FBXO7: variants seen among roughly 807,000 people sequenced by gnomAD.
FBXO7 encodes the protein F-box only protein 7.
A neutral mutation model predicts 50.2 loss-of-function variants in FBXO7; 31 were observed. That is an observed-to-expected ratio of 0.62 (90% CI 0.46 to 0.83). The LOEUF is 0.83. FBXO7 is among the 40% of genes least tolerant of loss of function. The probability of loss-of-function intolerance (pLI) is 0.00; values close to 1 mark genes in which losing one functional copy is unlikely to be tolerated. For missense variants in FBXO7, 667 were observed against 646.6 expected (o/e 1.03, Z -0.34); for synonymous variants, 256 against 253.1 (o/e 1.01, Z -0.11).
At chr22:32,493,062 C>G (rs150545277) in intron 6 of FBXO7, 43 bp from the exon 7 acceptor site, 1 of 1,590,620 alleles carries the variant, frequency 6.3e-7, no homozygotes, top group South Asian at 1.1e-5. Flanking sequence ...GCCAGATGTT[C>G]TTTACTCAGT....
At chr22:32,492,905 G>A in intron 6 of FBXO7, 200 bp from the exon 7 acceptor site, 1 of 629,740 alleles carries the variant, frequency 1.6e-6, no homozygotes, top group Non-Finnish European at 2.8e-6. Context: ...AGGGCCTAGA[G>A]TTATATGAGT....
At chr22:32,487,865 C>CT in intron 5 of FBXO7, 37 bp downstream of exon 5, 1 of 1,283,442 alleles carries the variant, frequency 7.8e-7, no homozygotes, top group South Asian at 1.2e-5. Context: ...GGGTGAAACT[C>CT]TGTGAAATTC....
chr22:32,475,117 G>T lies in FBXO7; in HGVS notation c.115G>T (p.Gly39Trp). The change falls in exon 1 of 9, where the codon GGG becomes TGG. Residue 39 changes from glycine (G) to tryptophan (W), a missense_variant. Coordinates refer to ENST00000266087, the MANE Select transcript of FBXO7 (RefSeq NM_012179.4). ...GAGGCAGTCCCTGCTGTGCACCTGG[G>T]GGTACAGGTACGCTGGGGCCGGGGC... ...HLRQSLLCTW[G>W]YSSNTRFTIT... 2.6e-6 allele frequency: 4 copies of T among 1,544,532 alleles called. No homozygotes were observed. Among genetic ancestry groups the T allele is most frequent in the Non-Finnish European group, 3.5e-6 (4 of 1,145,388 alleles).
At chr22:32,481,389 T>C (rs1254898048) in intron 2 of FBXO7, among the ~76,000 whole-genome samples, 1 of 152,210 alleles carries the variant, frequency 6.6e-6, no homozygotes, top group African/African-American at 2.4e-5. Context: ...CTGTGTACTT[T>C]TAAAGTTGTC....
intron 8 of FBXO7, among the ~76,000 whole-genome samples, chr22:32,497,321 C>T (rs1275559166): frequency 6.6e-6 from 1 of 152,168 alleles, no homozygotes; most frequent in East Asian, 1.9e-4. Context: ...CAGCCTTTCC[C>T]CCTAAGTCCC....
chr22:32,491,020 G>C, intron 5 of FBXO7, 66 bp from the exon 6 acceptor site: 2 of 1,095,168 alleles, frequency 1.8e-6, no homozygotes, highest in South Asian at 2.5e-5. Context: ...ATTGGGTTTG[G>C]CAGAAATAGA....
At chr22:32,480,668 T>A (rs966027456) in intron 2 of FBXO7, among the ~76,000 whole-genome samples, 1 of 151,270 alleles carries the variant, frequency 6.6e-6, no homozygotes, top group African/African-American at 2.4e-5. Context: ...TCCTCATTTT[T>A]CCCACCTTTT....
intron 5 of FBXO7, chr22:32,489,644 G>A (rs897805327): frequency 6.6e-6 from 1 of 152,222 alleles, no homozygotes; most frequent in Non-Finnish European, 1.5e-5. Context: ...ATGTAGCTCA[G>A]ATTGTTATTC....
intron 1 of FBXO7, 74 bp from the exon 2 acceptor site, chr22:32,478,907 G>A (rs2057445284): frequency 1.5e-6 from 2 of 1,320,016 alleles, no homozygotes; most frequent in South Asian, 1.2e-5. Flanking sequence ...GTGTACTTAT[G>A]TATGCTTCAG....
At chr22:32,495,387 C>G in intron 7 of FBXO7, 106 bp from the exon 8 acceptor site, 4 of 560,104 alleles carry the variant, frequency 7.1e-6, no homozygotes, top group African/African-American at 2.0e-5. Context: ...TTTTTTTATG[C>G]TTAACGGGTA....
chr22:32,486,349 T>C (rs578043574), intron 4 of FBXO7, among the ~76,000 whole-genome samples: 60 of 152,296 alleles, frequency 3.9e-4, no homozygotes, highest in African/African-American at 1.4e-3. Flanking sequence ...TTTTCTTTTT[T>C]TTGAGACAGG....
chr22:32,483,876 T>C (rs2057480347), intron 2 of FBXO7, 21 bp from the exon 3 acceptor site: 2 of 1,602,490 alleles, frequency 1.2e-6, no homozygotes, highest in Admixed American at 1.7e-5. Flanking sequence ...ATTAATTCAT[T>C]GTTTTGTTTT....
At chr22:32,495,401 T>G in intron 7 of FBXO7, 92 bp from the exon 8 acceptor site, 2 of 789,304 alleles carry the variant, frequency 2.5e-6, no homozygotes, top group Non-Finnish European at 4.3e-6. Flanking sequence ...ACGGGTAAGT[T>G]TCACTTTTCT....
At chr22:32,485,260 T>A in intron 4 of FBXO7, 51 bp downstream of exon 4, 1 of 1,611,856 alleles carries the variant, frequency 6.2e-7, no homozygotes, top group Non-Finnish European at 8.5e-7. Flanking sequence ...CTTAGACGTT[T>A]CTTTCCAAAT....
intron 5 of FBXO7, chr22:32,490,844 G>A (rs928612743): frequency 8.5e-6 from 4 of 472,096 alleles, no homozygotes; most frequent in East Asian, 4.1e-5. Context: ...TGCAGCCTAT[G>A]AGCTAGAGAG....
At position 32,483,886 on chromosome 22, in the gene FBXO7, T is replaced by C. The variant is rs376694972; in HGVS notation, c.418-11T>C. On this transcript the variant is annotated splice_polypyrimidine_tract_variant and intron_variant, in intron 2 of 8. Coordinates refer to ENST00000266087, the MANE Select transcript of FBXO7 (RefSeq NM_012179.4). ...CTTTAATTAATTCATTGTTTTGTTT[T>C]CCTTTTTCAGTTAGGGCCTAGTCAA... 8.7e-6 allele frequency: 14 copies of C among 1,612,104 alleles called. 1 individual carries two copies. The African/African-American group carries it at 1.1e-4, about 12-fold the overall frequency.
intron 2 of FBXO7, among the ~76,000 whole-genome samples, chr22:32,480,794 C>T (rs1020873756): frequency 6.6e-5 from 10 of 151,770 alleles, no homozygotes; most frequent in Admixed American, 2.6e-4. Flanking sequence ...CTCAGCCTCC[C>T]GAGTAGTTGG....
rs1409788305 is a variant in FBXO7 at position 32,493,247 on chromosome 22, C to T, written c.1110C>T (p.Leu370=). 1 of 1,613,986 alleles carries T rather than the reference C, an allele frequency of 6.2e-7. No individual in the cohort carries two copies. The highest frequency in any genetic ancestry group is 2.2e-5 in the East Asian group (1 of 44,892). The change falls in exon 7 of 9, where the codon CTC becomes CTT. Residue 370 remains leucine, a synonymous_variant. Transcript: ENST00000266087. ...TCTTTACTGCTTCAAATGACCCACT[C>T]CTGTGGAGGTTTTTATATCTGCGTG... ...RDLFTASNDP[L]LWRFLYLRDF... is the part of the protein sequence containing the mutation.
At position 32,483,924 on chromosome 22, in the gene FBXO7, G is replaced by T; in HGVS notation, c.445G>T (p.Glu149Ter). Reference protein sequence around the residue: ...MLGPSQNFEAESIQDNAHMAE... With the variant: ...MLGPSQNFEA ...AGGGCCTAGTCAAAATTTTGAAGCT[G>T]AGTCAATTCAAGATAATGCGCATAT... is the stretch of plus-strand genomic sequence containing the variant. Residue 149 changes from glutamate (E) to a stop codon, truncating the protein, a stop_gained, in exon 3 of 9, where the codon GAG becomes TAG. Coordinates refer to ENST00000266087, the MANE Select transcript of FBXO7 (RefSeq NM_012179.4). LOFTEE classifies it high-confidence loss of function. 6.2e-7 allele frequency: 1 copy of T among 1,614,142 alleles called. No individual in the cohort carries two copies. The highest frequency in any genetic ancestry group is 1.1e-5 in the South Asian group (1 of 91,080).
Sources: allele counts gnomAD v4.1 joint callset (sites outside exome capture counted in the v4.1 genomes callset), GRCh38; gene constraint gnomAD v4.1.1; transcripts MANE v1.5; gene names NCBI Gene and HGNC (gene_info 2026-07-23, HGNC 2026-07-21).